The following FMN2 variants were observed in gnomAD, a reference collection of about 807,000 sequenced individuals.
The protein encoded by FMN2 is formin-2.
Under a neutral mutation model 142.3 loss-of-function variants are expected in FMN2, and 51 were observed. That is an observed-to-expected ratio of 0.36 (90% CI 0.29 to 0.45). The LOEUF is 0.45. FMN2 is among the 20% of genes least tolerant of loss of function. FMN2 has a pLI of 1.00. For synonymous variants in FMN2, 882 were observed against 869.8 expected, an observed-to-expected ratio of 1.01 and a Z score of -0.25; for missense variants, 1,936 against 2,122.8, an observed-to-expected ratio of 0.91 and a Z score of 1.73.
intron 7 of FMN2, among the ~76,000 whole-genome samples, chr1:240,282,830 C>T (rs1452527740): frequency 1.3e-5 from 2 of 152,158 alleles, no homozygotes; most frequent in Non-Finnish European, 2.9e-5. Flanking sequence ...GTTGGATATG[C>T]TCACGTAACT....
At chr1:240,220,310 C>T (rs1667055630) in intron 6 of FMN2, among the ~76,000 whole-genome samples, 1 of 152,174 alleles carries the variant, frequency 6.6e-6, no homozygotes, top group South Asian at 2.1e-4. Context: ...CTCTGCTCTA[C>T]TCTAGACATG....
At chr1:240,431,549 C>T (rs4453025) in intron 15 of FMN2, among the ~76,000 whole-genome samples, 1 of 150,936 alleles carries the variant, frequency 6.6e-6, no homozygotes, top group Non-Finnish European at 1.5e-5. Context: ...TGTTTTATTT[C>T]TGAACTAAAA....
intron 6 of FMN2, among the ~76,000 whole-genome samples, chr1:240,222,021 T>TTG (rs1366705478): frequency 1.1e-4 from 16 of 149,984 alleles, no homozygotes; most frequent in African/African-American, 3.7e-4. Context: ...CTAATTTTTT[T>TTG]TTTTTTTTTG....
intron 15 of FMN2, among the ~76,000 whole-genome samples, chr1:240,404,567 C>T (rs528208208): frequency 1.3e-5 from 2 of 152,302 alleles, no homozygotes; most frequent in South Asian, 4.1e-4. Flanking sequence ...TACTTCTAAT[C>T]CTGGCAGAAG....
At chr1:240,391,610 C>T (rs960633835) in intron 14 of FMN2, among the ~76,000 whole-genome samples, 3 of 152,096 alleles carry the variant, frequency 2.0e-5, no homozygotes, top group African/African-American at 7.2e-5. Flanking sequence ...GATTTTCAAA[C>T]TGTGGGTCAC....
intron 5 of FMN2, among the ~76,000 whole-genome samples, chr1:240,209,830 G>A (rs1666616403): frequency 6.6e-6 from 1 of 151,790 alleles, no homozygotes; most frequent in African/African-American, 2.4e-5. Flanking sequence ...CATGAACCCG[G>A]GAGGCGGAGC....
intron 8 of FMN2, among the ~76,000 whole-genome samples, chr1:240,311,067 C>G (rs186070889): frequency 7.5e-4 from 114 of 151,948 alleles, no homozygotes; most frequent in Admixed American, 2.0e-3. Context: ...TTAAACAGTT[C>G]TAATCCAATT....
chr1:240,434,241 G>A lies in FMN2; in HGVS notation c.4911-3820G>A, dbSNP rs149741572. ...GAGGGAGTCTCACAGAAAAGCCTGT[G>A]TAGTAAGGAAGGTCCTAGGTAAGAT... is the stretch of plus-strand genomic sequence containing the variant. On this transcript the variant is annotated intron_variant, in intron 15 of 17. Transcript: ENST00000319653. Among the ~76,000 whole-genome samples the A allele has an allele frequency of 1.4e-4, 21 of 152,298 alleles. No homozygotes were observed. In the East Asian group the frequency reaches 3.1e-3, roughly 22 times the overall value.
chr1:240,451,236 G>GCA (rs1382100493), intron 16 of FMN2, among the ~76,000 whole-genome samples: 6 of 151,282 alleles, frequency 4.0e-5, no homozygotes, highest in African/African-American at 1.5e-4. Flanking sequence ...CGCGGTGGTG[G>GCA]GTACCTGTAA....
At chr1:240,358,934 C>T (rs554873529) in intron 14 of FMN2, among the ~76,000 whole-genome samples, 174 of 152,132 alleles carry the variant, frequency 1.1e-3, no homozygotes, top group Non-Finnish European at 1.7e-3. Context: ...GCCAGGAGTT[C>T]GAGACCAGCC....
intron 15 of FMN2, among the ~76,000 whole-genome samples, chr1:240,423,638 A>G (rs1674845007): frequency 6.6e-6 from 1 of 152,234 alleles, no homozygotes; most frequent in Non-Finnish European, 1.5e-5. Context: ...AGAAGAAAGT[A>G]GAGGAAAACA....
chr1:240,269,930 T>TA (rs1668941111), intron 7 of FMN2, among the ~76,000 whole-genome samples: 1 of 152,058 alleles, frequency 6.6e-6, no homozygotes. Context: ...AGTTTTTTGA[T>TA]AGAGTCTGTA....
chr1:240,253,127 A>G (rs1050990448), intron 6 of FMN2, among the ~76,000 whole-genome samples: 1 of 150,034 alleles, frequency 6.7e-6, no homozygotes, highest in African/African-American at 2.5e-5. Flanking sequence ...TAATTTTTGT[A>G]TTTTATTTTA....
At chr1:240,100,118 G>A (rs1302783253) in intron 1 of FMN2, among the ~76,000 whole-genome samples, 7 of 152,208 alleles carry the variant, frequency 4.6e-5, no homozygotes, top group South Asian at 2.1e-4. Context: ...ACCTTTCTGG[G>A]CAGTCAAAAT....
At chr1:240,237,736 C>T (rs1227220784) in intron 6 of FMN2, among the ~76,000 whole-genome samples, 21 of 136,116 alleles carry the variant, frequency 1.5e-4, no homozygotes, top group Non-Finnish European at 4.7e-5. Flanking sequence ...AGTACTTTAT[C>T]TTGGGAGGGG....
intron 2 of FMN2, among the ~76,000 whole-genome samples, chr1:240,177,077 A>T (rs1312727879): frequency 6.6e-6 from 1 of 152,108 alleles, no homozygotes; most frequent in Non-Finnish European, 1.5e-5. Context: ...CTTGATGTGG[A>T]TCAAAGGTAT....
chr1:240,259,505 T>TTTA (rs58283252), intron 7 of FMN2, among the ~76,000 whole-genome samples: 2 of 150,722 alleles, frequency 1.3e-5, no homozygotes, highest in Non-Finnish European at 3.0e-5. Flanking sequence ...TTTTTTTTTT[T>TTTA]AATATGGTGG....
At chr1:240,197,464 G>C (rs1665959513) in intron 4 of FMN2, among the ~76,000 whole-genome samples, 1 of 152,114 alleles carries the variant, frequency 6.6e-6, no homozygotes, top group Non-Finnish European at 1.5e-5. Flanking sequence ...AGTTCCTAGA[G>C]GCCTGGACCT....
intron 6 of FMN2, among the ~76,000 whole-genome samples, chr1:240,212,101 A>T (rs1043979461): frequency 1.3e-5 from 2 of 152,156 alleles, no homozygotes; most frequent in African/African-American, 4.8e-5. Flanking sequence ...AATGAGGCTG[A>T]TATCCCCAGT....
Sources: allele counts gnomAD v4.1 joint callset (sites outside exome capture counted in the v4.1 genomes callset), GRCh38; gene constraint gnomAD v4.1.1; transcripts MANE v1.5; gene names NCBI Gene and HGNC (gene_info 2026-07-23, HGNC 2026-07-21).